Variants in ARAP1 observed in about 807,000 individuals in gnomAD.
ARAP1 encodes the protein ArfGAP with RhoGAP domain, ankyrin repeat and PH domain 1, also known as arf-GAP with Rho-GAP domain, ANK repeat and PH domain-containing protein 1.
Under a neutral mutation model 172.2 loss-of-function variants are expected in ARAP1, and 76 were observed. The ratio of observed to expected loss-of-function variants is 0.44; its 90% CI spans 0.37 to 0.53. The LOEUF (loss-of-function observed/expected upper bound fraction) is 0.53. Among genes scored for constraint, ARAP1 ranks in the 20% least tolerant of loss-of-function variants. The probability of loss-of-function intolerance (pLI) is 0.00; values close to 1 mark genes in which losing one functional copy is unlikely to be tolerated. For missense variants in ARAP1, 1,686 were observed against 1,977.5 expected (o/e 0.85, Z 2.80); for synonymous variants, 804 against 803.3 (o/e 1.00, Z -0.01).
intron 13 of ARAP1, chr11:72,704,561 G>C (rs1856669387): frequency 1.9e-6 from 1 of 528,486 alleles, no homozygotes; most frequent in East Asian, 3.4e-5. Context: ...ACAGGACAGG[G>C]AGTCAGCAGA....
chr11:72,718,659 G>A (rs1486883883), intron 3 of ARAP1, among the ~76,000 whole-genome samples: 1 of 152,068 alleles, frequency 6.6e-6, no homozygotes, highest in Non-Finnish European at 1.5e-5. Context: ...CACTATTCCC[G>A]AGAGACTAGG....
At chr11:72,751,406 G>GATGCACCTGTCC (rs1263926134) in intron 1 of ARAP1, among the ~76,000 whole-genome samples, 2 of 152,072 alleles carry the variant, frequency 1.3e-5, no homozygotes, top group Admixed American at 1.3e-4. Context: ...CTCCCCTGGG[G>GATGCACCTGTCC]CCTGCACCTG....
chr11:72,751,709 A>AT (rs1166822620), intron 1 of ARAP1, among the ~76,000 whole-genome samples: 4 of 151,356 alleles, frequency 2.6e-5, no homozygotes, highest in Non-Finnish European at 4.4e-5. Context: ...TTCTGGCCAG[A>AT]TTCCCCCCCT....
At chr11:72,734,989 C>CA (rs1555018979) in intron 1 of ARAP1, among the ~76,000 whole-genome samples, 1 of 148,460 alleles carries the variant, frequency 6.7e-6, no homozygotes, top group Non-Finnish European at 1.5e-5. Context: ...TAGCTCTCAA[C>CA]TTTTTTTTTT....
At chr11:72,743,446 G>A (rs1858261988) in intron 1 of ARAP1, among the ~76,000 whole-genome samples, 1 of 152,110 alleles carries the variant, frequency 6.6e-6, no homozygotes, top group African/African-American at 2.4e-5. Flanking sequence ...ACACACGGAG[G>A]CAAGAAGAGG....
chr11:72,723,676 C>T (rs1360027210), intron 3 of ARAP1, among the ~76,000 whole-genome samples: 1 of 152,182 alleles, frequency 6.6e-6, no homozygotes, highest in Non-Finnish European at 1.5e-5. Context: ...GAGTCACATG[C>T]GTGTTTACCC....
At chr11:72,712,008 T>C (rs1234179497) in intron 7 of ARAP1, among the ~76,000 whole-genome samples, 188 bp downstream of exon 7, 1 of 152,166 alleles carries the variant, frequency 6.6e-6, no homozygotes, top group African/African-American at 2.4e-5. Flanking sequence ...CTCCCAATTT[T>C]CAGGGCAATA....
Position 72,712,473 on chromosome 11 carries a change from C to T in ARAP1, c.843G>A (p.Glu281=). Residue 281 remains glutamate, a synonymous_variant, in exon 6 of 35, where the codon GAG becomes GAA. Coordinates refer to ENST00000393609, the MANE Select transcript of ARAP1 (RefSeq NM_001040118.3). ...EELSGDDQGD[E]EEDDHAYEGV... is the part of the protein sequence containing the mutation. Reference sequence around the variant, plus strand: ...CCTCATAGGCGTGGTCATCCTCTTCCTCATCCCCTTGGTCGTCCCCAGACA... The same window carrying T: ...CCTCATAGGCGTGGTCATCCTCTTCTTCATCCCCTTGGTCGTCCCCAGACA... The T allele has an allele frequency of 6.2e-7, 1 of 1,606,974 alleles. No homozygotes were observed. Among genetic ancestry groups the T allele is most frequent in the Non-Finnish European group, 8.5e-7 (1 of 1,174,762 alleles).
chr11:72,715,340 G>T (rs1474781708), intron 3 of ARAP1, among the ~76,000 whole-genome samples: 5 of 145,764 alleles, frequency 3.4e-5, no homozygotes, highest in Non-Finnish European at 6.0e-5. Context: ...CCCTGCAGGG[G>T]CCAAGGAGGA....
chr11:72,693,465 G>A lies in ARAP1; in HGVS notation c.3814C>T (p.Arg1272Cys), dbSNP rs1565210158. ...ATGCCATGCTTGGTGTCACCGACACGGCTGGCTGGGGGGTGGGACTGGAGT... is the reference window on the plus strand; with the variant it reads ...ATGCCATGCTTGGTGTCACCGACACAGCTGGCTGGGGGGTGGGACTGGAGT... ...MEAMLLYLAS[R>C]VGDTKHGMMK... Residue 1272 changes from arginine to cysteine, a missense_variant, in exon 29 of 35, where the codon CGT becomes TGT. Arg to Cys is a radical substitution (Grantham distance 180, BLOSUM62 -3). Around this residue, in one of 5 missense-constraint regions of ARAP1, gnomAD observed 379 missense variants for 500.1 expected, o/e 0.76. Coordinates refer to ENST00000393609, the MANE Select transcript of ARAP1 (RefSeq NM_001040118.3). This position sits in a 1 kb window ranked among gnomAD's most constrained non-coding sequence, Gnocchi z 4.6. The A allele has an allele frequency of 7.4e-6, 12 of 1,612,614 alleles. No homozygotes were observed. Among genetic ancestry groups the A allele is most frequent in the Non-Finnish European group, 8.5e-6 (10 of 1,179,018 alleles).
chr11:72,732,061 T>C (rs1484310808), intron 2 of ARAP1, among the ~76,000 whole-genome samples: 1 of 152,140 alleles, frequency 6.6e-6, no homozygotes, highest in Non-Finnish European at 1.5e-5. Context: ...TATATAAAAC[T>C]GAGTTTGGGG....
chr11:72,709,924 A>T lies in ARAP1; in HGVS notation c.1469T>A (p.Val490Glu). 1.9e-6 allele frequency: 3 copies of T among 1,614,120 alleles called. No homozygotes were observed. Among genetic ancestry groups the T allele is most frequent in the Non-Finnish European group, 2.5e-6 (3 of 1,180,018 alleles). The change falls in exon 11 of 35, where the codon GTG becomes GAG. Residue 490 changes from valine (V) to glutamate (E), a missense_variant. By Grantham distance (121) the Val-to-Glu change is moderately radical. This residue lies in a region of ARAP1 where 688 missense variants were observed against 856.9 expected (regional missense o/e 0.80). Coordinates refer to ENST00000393609, the MANE Select transcript of ARAP1 (RefSeq NM_001040118.3). ...GAAGCTGCGCCGGTCCACTTCCTTCACGTTGCCCACGCTCATGTCGATGAA... is the reference window on the plus strand; with the variant it reads ...GAAGCTGCGCCGGTCCACTTCCTTCTCGTTGCCCACGCTCATGTCGATGAA... ...ITFIDMSVGN[V>E]KEVDRRSFDL... is the part of the protein sequence containing the mutation.
rs776178565 is a variant in ARAP1 at position 72,707,211 on chromosome 11, T to C, written c.1687A>G (p.Ile563Val). Residue 563 changes from isoleucine (I) to valine (V), a missense_variant, in exon 12 of 35, where the codon ATC becomes GTC. Ile to Val is a conservative substitution (Grantham distance 29). This residue lies in a region of ARAP1 where 688 missense variants were observed against 856.9 expected (regional missense o/e 0.80). Transcript: ENST00000393609. Reference sequence around the variant, plus strand: ...TTGCAGATAACAACACAGAGGTTGATGGAGGCCCAGTCAGGCTGAGGAGCC... The same window carrying C: ...TTGCAGATAACAACACAGAGGTTGACGGAGGCCCAGTCAGGCTGAGGAGCC... ...CGAPQPDWAS[I>V]NLCVVICKRC... 10 of 1,603,216 alleles carry C rather than the reference T, an allele frequency of 6.2e-6. No homozygotes were observed. Among genetic ancestry groups the C allele is most frequent in the African/African-American group, 2.7e-5 (2 of 74,702 alleles).
chr11:72,745,026 C>G (rs1309233079), intron 1 of ARAP1, among the ~76,000 whole-genome samples: 1 of 152,178 alleles, frequency 6.6e-6, no homozygotes, highest in East Asian at 1.9e-4. Context: ...AGCCGCTACC[C>G]CAGAGCTTTC....
Position 72,687,705 on chromosome 11 carries a change from T to C in ARAP1, c.4104A>G (p.Lys1368=), listed in dbSNP as rs1409369560. The C allele has an allele frequency of 1.2e-6, 2 of 1,614,194 alleles. No homozygotes were observed. The highest frequency in any genetic ancestry group is 8.5e-7 in the Non-Finnish European group (1 of 1,180,034). ...WGFTVVHETE[K]HEKQQWYLCC... ...TCACTCACCACTGCTGCTTCTCATG[T>C]TTCTCTGTCTCATGCACCACTGTGA... The change falls in exon 32 of 35, where the codon AAA becomes AAG. Residue 1368 remains lysine, a synonymous_variant. Transcript: ENST00000393609.
In ARAP1 at chr11:72,685,628, C is replaced by T. The variant is rs749722879; in HGVS notation, c.*36G>A. ...GGGTGTCTGAACAGAAGGCTTCCAG[C>T]GGCGGAATCCTAGAGCCAAGGATGG... On this transcript the variant is annotated 3_prime_UTR_variant, in exon 35 of 35. Coordinates refer to ENST00000393609, the MANE Select transcript of ARAP1 (RefSeq NM_001040118.3). 2.0e-5 allele frequency: 33 copies of T among 1,613,966 alleles called. No individual in the cohort carries two copies. Among genetic ancestry groups the T allele is most frequent in the Admixed American group, 5.0e-5 (3 of 60,002 alleles).
intron 1 of ARAP1, among the ~76,000 whole-genome samples, chr11:72,749,653 G>T (rs1017252228): frequency 7.2e-5 from 11 of 152,078 alleles, no homozygotes; most frequent in Admixed American, 1.3e-4. Flanking sequence ...GGAGGCTGAG[G>T]CGGGCAGATC....
Position 72,725,993 on chromosome 11 carries a change from T to C in ARAP1, c.509+627A>G, listed in dbSNP as rs1857676512. ...AGGGCGTCTGTGAAGGAGATTAACATGGAATATCCACAGGAGCCAGAGGAA... is the reference window on the plus strand; with the variant it reads ...AGGGCGTCTGTGAAGGAGATTAACACGGAATATCCACAGGAGCCAGAGGAA... On this transcript the variant is annotated intron_variant, in intron 3 of 34. Coordinates refer to ENST00000393609, the MANE Select transcript of ARAP1 (RefSeq NM_001040118.3). The surrounding 1 kb of genome is among the most constrained non-coding windows in gnomAD (Gnocchi z 4.3). Among the ~76,000 whole-genome samples the C allele has an allele frequency of 6.6e-6, 1 of 151,914 alleles. No individual in the cohort carries two copies. Among genetic ancestry groups the C allele is most frequent in the African/African-American group, 2.4e-5 (1 of 41,352 alleles).
At chr11:72,705,972 C>G in intron 12 of ARAP1, 82 bp from the exon 13 acceptor site, 2 of 1,424,998 alleles carry the variant, frequency 1.4e-6, no homozygotes, top group Non-Finnish European at 2.0e-6. Context: ...TCTACTGGGA[C>G]AGGCAGGGAT....
Sources: gnomAD v4.1 joint callset for allele counts (sites outside exome capture counted in the v4.1 genomes callset) on GRCh38, gnomAD v4.1.1 for gene constraint, gnomAD v4.1.1 regional missense constraint, Gnocchi (gnomAD v3.1) non-coding constraint, MANE v1.5 for transcripts, NCBI Gene and HGNC (gene_info 2026-07-23, HGNC 2026-07-21) for gene names.